Variants in PCDHGA4 observed in about 807,000 individuals in gnomAD.
PCDHGA4 encodes protocadherin gamma-A4.
In PCDHGA4, 38 loss-of-function variants were observed where a neutral mutation model predicts 54.6. That is an observed-to-expected ratio of 0.70 (90% CI 0.54 to 0.91). PCDHGA4 has a LOEUF of 0.91. Among genes scored for constraint, PCDHGA4 ranks in the 40% least tolerant of loss-of-function variants. The pLI, the probability that PCDHGA4 is intolerant of heterozygous loss-of-function variation, is 0.00. For synonymous variants in PCDHGA4, 511 were observed against 512.9 expected (o/e 1.00, Z 0.05); for missense variants, 1,298 against 1,220.9 (o/e 1.06, Z -0.94).
At chr5:141,506,213 A>G (rs2154593866) in intron 3 of PCDHGA4, among the ~76,000 whole-genome samples, 1 of 152,204 alleles carries the variant, frequency 6.6e-6, no homozygotes, top group South Asian at 2.1e-4. Flanking sequence ...CACTTTGGGA[A>G]GCTGAGGCAG....
intron 1 of PCDHGA4, chr5:141,384,204 A>T: frequency 4.3e-6 from 7 of 1,613,886 alleles, no homozygotes; most frequent in Non-Finnish European, 5.9e-6. Flanking sequence ...TGTCCAGGGA[A>T]ACTCACATAT....
Position 141,355,496 on chromosome 5 carries a change from C to G in PCDHGA4, c.389C>G (p.Ser130Cys). 1 of 1,614,080 alleles carries G rather than the reference C, an allele frequency of 6.2e-7. No individual in the cohort carries two copies. Among genetic ancestry groups the G allele is most frequent in the Non-Finnish European group, 8.5e-7 (1 of 1,179,902 alleles). ...RIDREELCDRSPNCVTNLEIL... is the reference protein window; with the variant it reads ...RIDREELCDRCPNCVTNLEIL... ...GACAGGGAGGAGCTCTGCGACAGATCTCCAAACTGTGTGACAAACCTGGAG... is the reference window on the plus strand; with the variant it reads ...GACAGGGAGGAGCTCTGCGACAGATGTCCAAACTGTGTGACAAACCTGGAG... The change falls in exon 1 of 4, where the codon TCT (serine) becomes TGT (cysteine). Residue 130 changes from serine to cysteine, a missense_variant. Ser to Cys is a moderately radical substitution (Grantham distance 112, BLOSUM62 -1). Transcript: ENST00000571252.
At position 141,415,393 on chromosome 5, in the gene PCDHGA4, T is replaced by C. The variant is rs574028530; in HGVS notation, c.2514+57772T>C. On this transcript the variant is annotated intron_variant, in intron 1 of 3. Transcript: ENST00000571252. ...TTCAGGAGGCGGCTTGACAGGTGTG[T>C]CCGGCTCGCACTTTGTGGGCGTGGA... 1.1e-5 allele frequency: 17 copies of C among 1,614,190 alleles called. No individual in the cohort carries two copies. In the East Asian group the frequency reaches 2.5e-4, roughly 23 times the overall value.
At chr5:141,468,597 T>C in intron 1 of PCDHGA4, 1 of 152,224 alleles carries the variant, frequency 6.6e-6, no homozygotes, top group East Asian at 1.9e-4. Context: ...CTGGGCGCGG[T>C]GGCTCACGCC....
At chr5:141,461,354 C>T (rs1189322704) in intron 1 of PCDHGA4, among the ~76,000 whole-genome samples, 2 of 152,054 alleles carry the variant, frequency 1.3e-5, no homozygotes, top group Non-Finnish European at 2.9e-5. Context: ...GGTGGTAGCT[C>T]GTTGTGGTTT....
intron 1 of PCDHGA4, chr5:141,366,694 C>T: frequency 1.2e-6 from 2 of 1,614,214 alleles, no homozygotes; most frequent in Non-Finnish European, 1.7e-6. Flanking sequence ...GTGAGAAAAG[C>T]GAGCCTCTTC....
At chr5:141,407,980 C>T in intron 1 of PCDHGA4, 1 of 760,358 alleles carries the variant, frequency 1.3e-6, no homozygotes, top group Non-Finnish European at 2.0e-6. Context: ...CGCCGGGGAT[C>T]CGTCAGCCTC....
chr5:141,399,491 T>A, intron 1 of PCDHGA4: 1 of 1,614,022 alleles, frequency 6.2e-7, no homozygotes, highest in African/African-American at 1.3e-5. Flanking sequence ...TCCTACTTAG[T>A]CAGTGTACCC....
intron 3 of PCDHGA4, 118 bp downstream of exon 3, chr5:141,505,599 G>A (rs936757644): frequency 1.5e-5 from 23 of 1,555,468 alleles, no homozygotes; most frequent in South Asian, 2.4e-5. Flanking sequence ...CAGATCTTTC[G>A]GCAGGTCTGA....
Position 141,493,689 on chromosome 5 carries a change from C to A in PCDHGA4, c.2515-1118C>A, listed in dbSNP as rs2099749557. The stretch of plus-strand genomic sequence containing the variant: ...GGCAGCCCCAGAATGGTGCTGGTGA[C>A]TCCCGATACACCTGGAATGCTAGGT... On this transcript the variant is annotated intron_variant, in intron 1 of 3. Transcript: ENST00000571252. The surrounding 1 kb of genome is among the most constrained non-coding windows in gnomAD (Gnocchi z 4.3). Among the ~76,000 whole-genome samples the A allele has an allele frequency of 6.6e-6, 1 of 152,218 alleles. No homozygotes were observed. The highest frequency in any genetic ancestry group is 2.4e-5 in the African/African-American group (1 of 41,450).
At chr5:141,366,940 C>G in intron 1 of PCDHGA4, 1 of 819,904 alleles carries the variant, frequency 1.2e-6, no homozygotes, top group East Asian at 2.8e-5. Context: ...GGAAGTCTAG[C>G]TGATATCTGT....
In PCDHGA4 at chr5:141,376,747, C is replaced by A. The variant is rs532627412; in HGVS notation, c.2514+19126C>A. 2,536 of 471,218 alleles carry A rather than the reference C, an allele frequency of 5.4e-3. 48 individuals carry two copies. The highest frequency in any genetic ancestry group is 0.052 in the African/African-American group (2,354 of 45,460). The allele number at this position is 471,218 out of a possible 1,614,324, so 29.2% of individuals were successfully genotyped here. ...CAGGCCGGACTGCGGACTGCAGTGG[C>A]GCAATCTCGGCTCACTGCAAGCTCC... On this transcript the variant is annotated intron_variant, in intron 1 of 3. Transcript: ENST00000571252.
chr5:141,490,454 C>T lies in PCDHGA4; in HGVS notation c.2515-4353C>T. The T allele has an allele frequency of 3.1e-6, 5 of 1,614,176 alleles. No homozygotes were observed. The highest frequency in any genetic ancestry group is 4.2e-6 in the Non-Finnish European group (5 of 1,180,020). On this transcript the variant is annotated intron_variant, in intron 1 of 3. Transcript: ENST00000571252. The surrounding 1 kb of genome is among the most constrained non-coding windows in gnomAD (Gnocchi z 5.4). The stretch of plus-strand genomic sequence containing the variant: ...ATTAAGCCTTCTGAGAACCACTACT[C>T]GCTGCTAACCAGCCAGCCTTTGGAC...
At chr5:141,358,446 A>G (rs931369328) in intron 1 of PCDHGA4, among the ~76,000 whole-genome samples, 3 of 152,192 alleles carry the variant, frequency 2.0e-5, no homozygotes, top group Non-Finnish European at 2.9e-5. Flanking sequence ...GGCAACGTCA[A>G]TTTAAGAATA....
rs1236961370 is a variant in PCDHGA4, at chr5:141,512,621, C to T, written c.*1448C>T. 1 of 152,964 alleles carries T rather than the reference C, an allele frequency of 6.5e-6. No homozygotes were observed. The highest frequency in any genetic ancestry group is 1.5e-5 in the Non-Finnish European group (1 of 68,612). 9.5% of individuals were successfully genotyped at this position (152,964 alleles called of 1,614,324 possible). A position where few individuals can be genotyped will look rare whatever the true frequency, so the allele number is the denominator to read the frequency against. Reference sequence around the variant, plus strand: ...CCATCCAGCGGGGCTGCCAGAGAACCCCAGACCTGCCCTTACAGTAGTGTA... The same window carrying T: ...CCATCCAGCGGGGCTGCCAGAGAACTCCAGACCTGCCCTTACAGTAGTGTA... On this transcript the variant is annotated 3_prime_UTR_variant, in exon 4 of 4. Coordinates refer to ENST00000571252, the MANE Select transcript of PCDHGA4 (RefSeq NM_018917.4).
At chr5:141,362,677 G>A in intron 1 of PCDHGA4, 2 of 1,225,610 alleles carry the variant, frequency 1.6e-6, no homozygotes, top group Non-Finnish European at 1.1e-6. Flanking sequence ...TGCCTTAATT[G>A]TCTTAATCTT....
chr5:141,489,206 C>A lies in PCDHGA4; in HGVS notation c.2515-5601C>A. On this transcript the variant is annotated intron_variant, in intron 1 of 3. Transcript: ENST00000571252. This position sits in a 1 kb window ranked among gnomAD's most constrained non-coding sequence, Gnocchi z 4.5. ...TGGGTCTACCTTGGAGACAGGACAG[C>A]ACAGACTTACTCTCCACAAAGGGAC... 2 of 1,439,024 alleles carry A rather than the reference C, an allele frequency of 1.4e-6. No individual in the cohort carries two copies. Among genetic ancestry groups the A allele is most frequent in the Non-Finnish European group, 1.9e-6 (2 of 1,060,928 alleles). 89.1% of individuals were successfully genotyped at this position (1,439,024 alleles called of 1,614,324 possible). A position where few individuals can be genotyped will look rare whatever the true frequency, so the allele number is the denominator to read the frequency against.
intron 2 of PCDHGA4, among the ~76,000 whole-genome samples, chr5:141,500,184 T>TTTTTTTTATTTATTTA (rs1554186429): frequency 7.4e-6 from 1 of 135,886 alleles, no homozygotes; most frequent in African/African-American, 2.7e-5. Flanking sequence ...TCATTTTTAT[T>TTTTTTTTATTTATTTA]TTTATTTATT....
rs762969886 is a variant in PCDHGA4 at position 141,355,779 on chromosome 5, G to A, written c.672G>A (p.Glu224=). 7 of 1,613,834 alleles carry A rather than the reference G, an allele frequency of 4.3e-6. No homozygotes were observed. Among genetic ancestry groups the A allele is most frequent in the East Asian group, 2.2e-5 (1 of 44,870 alleles). Residue 224 remains glutamate, a synonymous_variant, in exon 1 of 4, where the codon GAG becomes GAA. Transcript: ENST00000571252. The part of the protein sequence containing the change: ...QSGADGIKYP[E]LVLERALDRE... ...GGGCCGATGGGATTAAGTACCCAGA[G>A]CTGGTGCTGGAACGCGCTCTAGATC...
Sources: gnomAD v4.1 joint callset for allele counts (sites outside exome capture counted in the v4.1 genomes callset) on GRCh38, gnomAD v4.1.1 for gene constraint, Gnocchi (gnomAD v3.1) non-coding constraint, MANE v1.5 for transcripts, NCBI Gene and HGNC (gene_info 2026-07-23, HGNC 2026-07-21) for gene names.